Variants in LRFN5 observed in about 807,000 individuals in gnomAD.
LRFN5 encodes leucine-rich repeat and fibronectin type-III domain-containing protein 5.
A neutral mutation model predicts 45.6 loss-of-function variants in LRFN5; 24 were observed. That is an observed-to-expected ratio of 0.53 (90% CI 0.38 to 0.74). The LOEUF (loss-of-function observed/expected upper bound fraction) is 0.74, where lower values mean the gene tolerates loss of function less well. LRFN5 is among the 30% of genes least tolerant of loss of function. The pLI is 0.00. For synonymous variants in LRFN5, 340 were observed against 313.8 expected (o/e 1.08, Z -0.88); for missense variants, 776 against 861.5 (o/e 0.90, Z 1.24).
chr14:41,772,896 T>A (rs1886141012), intron 2 of LRFN5, among the ~76,000 whole-genome samples: 4 of 152,210 alleles, frequency 2.6e-5, no homozygotes, highest in Admixed American at 2.6e-4. Context: ...TACTTTTCCC[T>A]ATTTTTACTA....
chr14:41,689,032 C>T (rs1310187174), intron 1 of LRFN5, among the ~76,000 whole-genome samples: 1 of 151,738 alleles, frequency 6.6e-6, no homozygotes, highest in Non-Finnish European at 1.5e-5. Flanking sequence ...GAGGTTGAGG[C>T]TACAGCGAGC....
intron 2 of LRFN5, among the ~76,000 whole-genome samples, chr14:41,823,158 AT>A (rs1357257768): frequency 6.6e-6 from 1 of 151,892 alleles, no homozygotes; most frequent in South Asian, 2.1e-4. Context: ...TATGTGACTT[AT>A]TGTTTCTGTC....
intron 1 of LRFN5, among the ~76,000 whole-genome samples, chr14:41,693,711 T>A (rs1479496660): frequency 6.6e-6 from 1 of 152,054 alleles, no homozygotes; most frequent in African/African-American, 2.4e-5. Context: ...CATTGTCATG[T>A]TTTCTGAGAA....
rs1890893872 is a variant in LRFN5, at chr14:41,895,011, T to C, written c.2098+3049T>C. On this transcript the variant is annotated intron_variant, in intron 4 of 5. Coordinates refer to ENST00000298119, the MANE Select transcript of LRFN5 (RefSeq NM_152447.5). Reference sequence around the variant, plus strand: ...CTTCCTCGTTCTTATTTTTCTTTTATTTTTGTCATTTTGCATTATAGTTTC... The same window carrying C: ...CTTCCTCGTTCTTATTTTTCTTTTACTTTTGTCATTTTGCATTATAGTTTC... 3.1e-6 allele frequency: 3 copies of C among 982,798 alleles called. No individual in the cohort carries two copies. The South Asian group carries it at 1.4e-4, about 46-fold the overall frequency. 60.9% of individuals were successfully genotyped at this position (982,798 alleles called of 1,614,324 possible).
In LRFN5 at chr14:41,614,844, A is replaced by G. The variant is rs12434363; in HGVS notation, c.-197+6282A>G. Among the ~76,000 whole-genome samples, 411 of 152,194 alleles carry G rather than the reference A, an allele frequency of 2.7e-3. 5 individuals are homozygous for G. The highest frequency in any genetic ancestry group is 0.018 in the South Asian group (85 of 4,818). On this transcript the variant is annotated intron_variant, in intron 1 of 5. Transcript: ENST00000298119. ...TGTTATTAACATTATCACCATCACCATGATCATCTCATCATTAGCTAGCAT... is the reference window on the plus strand; with the variant it reads ...TGTTATTAACATTATCACCATCACCGTGATCATCTCATCATTAGCTAGCAT...
Position 41,772,383 on chromosome 14 carries a change from A to G in LRFN5, c.-21+5354A>G, listed in dbSNP as rs917184599. On this transcript the variant is annotated intron_variant, in intron 2 of 5. Transcript: ENST00000298119. ...GGTATATACTTCACTGCCTAAAATCATCCCGTAAAATATGATCCACAAAAA... is the reference window on the plus strand; with the variant it reads ...GGTATATACTTCACTGCCTAAAATCGTCCCGTAAAATATGATCCACAAAAA... 1.7e-4 allele frequency among the ~76,000 whole-genome samples: 26 copies of G among 152,238 alleles called. 1 individual carries two copies. Among genetic ancestry groups the G allele is most frequent in the Admixed American group, 4.6e-4 (7 of 15,290 alleles).
At chr14:41,676,684 G>A (rs1349461146) in intron 1 of LRFN5, among the ~76,000 whole-genome samples, 1 of 152,148 alleles carries the variant, frequency 6.6e-6, no homozygotes, top group Admixed American at 6.5e-5. Flanking sequence ...AGACTCGAAA[G>A]CATCCACCAA....
intron 2 of LRFN5, among the ~76,000 whole-genome samples, chr14:41,855,878 T>A (rs1889434647): frequency 6.6e-6 from 1 of 152,228 alleles, no homozygotes; most frequent in South Asian, 2.1e-4. Context: ...GACATGGTGA[T>A]ATATGTCTAC....
intron 2 of LRFN5, among the ~76,000 whole-genome samples, chr14:41,807,148 A>G (rs1887553025): frequency 6.6e-6 from 1 of 152,208 alleles, no homozygotes; most frequent in Non-Finnish European, 1.5e-5. Context: ...TAATGCAAAC[A>G]TCCAGAATAA....
intron 2 of LRFN5, among the ~76,000 whole-genome samples, chr14:41,786,057 A>G (rs928963272): frequency 6.6e-6 from 1 of 152,088 alleles, no homozygotes; most frequent in Non-Finnish European, 1.5e-5. Flanking sequence ...AGAAGCTTAC[A>G]ATGGTTTATG....
intron 1 of LRFN5, among the ~76,000 whole-genome samples, chr14:41,688,206 G>C (rs1261341914): frequency 3.9e-5 from 6 of 152,054 alleles, no homozygotes; most frequent in South Asian, 2.1e-4. Flanking sequence ...ATGCTTTATG[G>C]ATACAAAAAT....
intron 1 of LRFN5, among the ~76,000 whole-genome samples, chr14:41,622,898 A>C (rs2138561975): frequency 6.6e-6 from 1 of 152,242 alleles, no homozygotes; most frequent in South Asian, 2.1e-4. Context: ...TTTACTTATC[A>C]ACTTCCTTTT....
intron 2 of LRFN5, among the ~76,000 whole-genome samples, chr14:41,855,916 G>A (rs1212714252): frequency 6.6e-6 from 1 of 152,042 alleles, no homozygotes; most frequent in Non-Finnish European, 1.5e-5. Flanking sequence ...AGTGTATAGA[G>A]ACCTTTTAAA....
intron 1 of LRFN5, among the ~76,000 whole-genome samples, chr14:41,684,126 AT>A (rs1566619932): frequency 6.6e-6 from 1 of 152,162 alleles, no homozygotes; most frequent in Non-Finnish European, 1.5e-5. Flanking sequence ...TCCAGAAACA[AT>A]TTCATACATC....
At chr14:41,811,182 T>G (rs538692223) in intron 2 of LRFN5, among the ~76,000 whole-genome samples, 2 of 152,236 alleles carry the variant, frequency 1.3e-5, no homozygotes, top group Admixed American at 6.6e-5. Context: ...TTCAAAATTA[T>G]TAGCCATTAG....
intron 1 of LRFN5, among the ~76,000 whole-genome samples, chr14:41,724,855 C>T (rs1883865470): frequency 1.3e-5 from 2 of 152,100 alleles, no homozygotes; most frequent in African/African-American, 2.4e-5. Flanking sequence ...TTTATTTTTC[C>T]TACTGTTTGA....
intron 1 of LRFN5, among the ~76,000 whole-genome samples, chr14:41,755,541 A>G (rs1359727380): frequency 6.6e-6 from 1 of 151,690 alleles, no homozygotes; most frequent in South Asian, 2.1e-4. Flanking sequence ...GTCTCTTTTG[A>G]TCTTTGTTGG....
chr14:41,812,053 T>C lies in LRFN5; in HGVS notation c.-21+45024T>C, dbSNP rs1482495295. ...AGTCAGCACAAAGCGTGAAAAGTTA[T>C]TCTGGTGAATATGGAATATCTACTA... On this transcript the variant is annotated intron_variant, in intron 2 of 5. Coordinates refer to ENST00000298119, the MANE Select transcript of LRFN5 (RefSeq NM_152447.5). 2.6e-5 allele frequency among the ~76,000 whole-genome samples: 4 copies of C among 152,110 alleles called. 1 individual carries two copies. Among genetic ancestry groups the C allele is most frequent in the African/African-American group, 7.2e-5 (3 of 41,448 alleles).
intron 2 of LRFN5, among the ~76,000 whole-genome samples, chr14:41,886,285 G>A (rs1407959388): frequency 4.6e-5 from 7 of 151,928 alleles, no homozygotes; most frequent in East Asian, 1.9e-4. Flanking sequence ...CTACAATCTC[G>A]GCTGTATATC....
Sources: allele counts gnomAD v4.1 joint callset (sites outside exome capture counted in the v4.1 genomes callset), GRCh38; gene constraint gnomAD v4.1.1; transcripts MANE v1.5; gene names NCBI Gene and HGNC (gene_info 2026-07-23, HGNC 2026-07-21).